The following COL24A1 variants were observed in gnomAD, a reference collection of about 807,000 sequenced individuals.
COL24A1 encodes collagen alpha-1(XXIV) chain.
Under a neutral mutation model 253.9 loss-of-function variants are expected in COL24A1, and 224 were observed. The observed-to-expected ratio is 0.88, with a 90% CI of 0.79 to 0.99. The LOEUF is 0.99. COL24A1 is among the 50% of genes least tolerant of loss of function. The probability of loss-of-function intolerance (pLI) is 0.00; values close to 1 mark genes in which losing one functional copy is unlikely to be tolerated. For missense variants in COL24A1, 2,131 were observed against 2,068.5 expected (o/e 1.03, Z -0.59); for synonymous variants, 685 against 673.7 (o/e 1.02, Z -0.26).
chr1:86,009,498 T>C (rs1002348125), intron 19 of COL24A1, among the ~76,000 whole-genome samples: 1 of 152,178 alleles, frequency 6.6e-6, no homozygotes, highest in African/African-American at 2.4e-5. Context: ...CTGTACAGTA[T>C]GTTACTGTAC....
intron 24 of COL24A1, among the ~76,000 whole-genome samples, chr1:85,956,327 C>T (rs539844311): frequency 2.0e-5 from 3 of 152,230 alleles, no homozygotes; most frequent in South Asian, 2.1e-4. Context: ...TAACCCAGCT[C>T]AGAATCAGTC....
At chr1:85,816,767 A>C in intron 47 of COL24A1, 21 bp downstream of exon 47, 8 of 1,576,240 alleles carry the variant, frequency 5.1e-6, no homozygotes, top group Non-Finnish European at 7.0e-6. Flanking sequence ...TAATGAGCAA[A>C]GAGATATCCG....
At chr1:85,773,859 T>C (rs2101391717) in intron 53 of COL24A1, among the ~76,000 whole-genome samples, 1 of 152,310 alleles carries the variant, frequency 6.6e-6, no homozygotes, top group South Asian at 2.1e-4. Flanking sequence ...GAATACCCTT[T>C]ATTTCTTTCT....
At chr1:85,772,249 A>G (rs531362034) in intron 53 of COL24A1, among the ~76,000 whole-genome samples, 1 of 151,970 alleles carries the variant, frequency 6.6e-6, no homozygotes, top group East Asian at 2.0e-4. Context: ...AATCAAAACT[A>G]CAATGAGATA....
At chr1:86,101,765 T>C (rs1033275841) in intron 5 of COL24A1, among the ~76,000 whole-genome samples, 3 of 152,198 alleles carry the variant, frequency 2.0e-5, no homozygotes, top group Non-Finnish European at 4.4e-5. Flanking sequence ...AGTTTTCCAA[T>C]GTGCTGCTGG....
chr1:86,044,496 T>C (rs1699755118), intron 12 of COL24A1, among the ~76,000 whole-genome samples: 1 of 152,180 alleles, frequency 6.6e-6, no homozygotes, highest in Admixed American at 6.5e-5. Flanking sequence ...AAAAAATGAA[T>C]ATTATGTGTT....
intron 7 of COL24A1, among the ~76,000 whole-genome samples, chr1:86,080,745 T>C (rs532390518): frequency 5.9e-5 from 9 of 152,138 alleles, no homozygotes; most frequent in Middle Eastern, 3.4e-3. Flanking sequence ...AAAGACACAA[T>C]TGAATCAAAA....
chr1:85,929,025 T>C (rs1687585214), intron 24 of COL24A1, among the ~76,000 whole-genome samples: 1 of 19,492 alleles, frequency 5.1e-5, no homozygotes, highest in African/African-American at 2.6e-4. Flanking sequence ...CTGCATCAAC[T>C]AATGAGCAAA....
chr1:86,089,121 C>T (rs6697323), intron 7 of COL24A1, 53 bp downstream of exon 7: 8 of 1,369,436 alleles, frequency 5.8e-6, no homozygotes, highest in East Asian at 4.9e-5. Flanking sequence ...AAGAAAAAGA[C>T]AAAAAAAAGA....
chr1:86,052,313 CA>C (rs1331405959), intron 10 of COL24A1, among the ~76,000 whole-genome samples: 1 of 151,898 alleles, frequency 6.6e-6, no homozygotes, highest in Non-Finnish European at 1.5e-5. Flanking sequence ...TCACAATTAT[CA>C]AAAGATAGAA....
chr1:85,821,270 G>C (rs995868582), intron 45 of COL24A1, among the ~76,000 whole-genome samples: 17 of 152,128 alleles, frequency 1.1e-4, no homozygotes, highest in Admixed American at 7.9e-4. Context: ...TGAATGAATT[G>C]GTTGGTTAGG....
At chr1:85,913,028 G>T (rs967384455) in intron 24 of COL24A1, among the ~76,000 whole-genome samples, 1 of 152,048 alleles carries the variant, frequency 6.6e-6, no homozygotes, top group African/African-American at 2.4e-5. Flanking sequence ...ATTTTGACTT[G>T]CATTGTATGT....
intron 48 of COL24A1, among the ~76,000 whole-genome samples, chr1:85,786,033 T>C (rs1669646398): frequency 6.6e-6 from 1 of 152,178 alleles, no homozygotes; most frequent in Admixed American, 6.5e-5. Flanking sequence ...TATCTGGAAG[T>C]AAATAAGATT....
intron 27 of COL24A1, among the ~76,000 whole-genome samples, chr1:85,908,089 T>G (rs1293658136): frequency 1.3e-5 from 2 of 151,776 alleles, no homozygotes; most frequent in Admixed American, 1.3e-4. Flanking sequence ...TGTTCATATT[T>G]TAAGTTCATA....
rs1663375631 is a variant in COL24A1, at chr1:85,730,585, T to C, written c.5106A>G (p.Arg1702=). The C allele has an allele frequency of 1.2e-6, 2 of 1,614,020 alleles. No individual in the cohort carries two copies. Among genetic ancestry groups the C allele is most frequent in the Non-Finnish European group, 1.7e-6 (2 of 1,179,904 alleles). Residue 1702 remains arginine (R), a synonymous_variant, in exon 60 of 60, where the codon CGA becomes CGG. Transcript: ENST00000370571. ...VQKLPHLKTE[R]KYYIDSSSVC... ...CAGAACTGCTGTCAATGTAATACTT[T>C]CGTTCAGTTTTGAGATGAGGAAGTT...
Position 85,730,561 on chromosome 1 carries a change from A to G in COL24A1, c.5130T>C (p.Ser1710=). ...TERKYYIDSS[S]VCFL ...TTCAGAGACTTTACAGAAAGCATAC[A>G]GAACTGCTGTCAATGTAATACTTTC... The change falls in exon 60 of 60, where the codon TCT becomes TCC. Residue 1710 remains serine, a synonymous_variant. Transcript: ENST00000370571. The G allele has an allele frequency of 1.2e-6, 2 of 1,613,888 alleles. No individual in the cohort carries two copies. The highest frequency in any genetic ancestry group is 1.7e-6 in the Non-Finnish European group (2 of 1,179,816).
At chr1:85,858,621 C>CTCCTTCCTTCCTTCTT in intron 37 of COL24A1, among the ~76,000 whole-genome samples, 1 of 113,372 alleles carries the variant, frequency 8.8e-6, no homozygotes, top group Non-Finnish European at 1.9e-5. Context: ...TATTTTCTCC[C>CTCCTTCCTTCCTTCTT]TCCTTCCTTC....
At chr1:86,018,649 T>C (rs759373313) in intron 18 of COL24A1, among the ~76,000 whole-genome samples, 3 of 152,224 alleles carry the variant, frequency 2.0e-5, no homozygotes, top group African/African-American at 7.2e-5. Flanking sequence ...GAATAATTCT[T>C]TGTTTTGTAA....
chr1:86,092,461 T>C, intron 5 of COL24A1, 141 bp from the exon 6 acceptor site: 1 of 569,252 alleles, frequency 1.8e-6, no homozygotes, highest in Non-Finnish European at 3.0e-6. Flanking sequence ...AGGCATTGGT[T>C]ATTTCATTTT....
Sources: allele counts gnomAD v4.1 joint callset (sites outside exome capture counted in the v4.1 genomes callset), GRCh38; gene constraint gnomAD v4.1.1; transcripts MANE v1.5; gene names NCBI Gene and HGNC (gene_info 2026-07-23, HGNC 2026-07-21).